Variants in DOCK10 observed in about 807,000 individuals in gnomAD.
DOCK10 encodes dedicator of cytokinesis protein 10.
Under a neutral mutation model 280.1 loss-of-function variants are expected in DOCK10, and 145 were observed. That is an observed-to-expected ratio of 0.52 (90% CI 0.45 to 0.59). DOCK10 has a LOEUF of 0.59. DOCK10 is among the 20% of genes least tolerant of loss of function. The probability of loss-of-function intolerance (pLI) is 0.00; values close to 1 mark genes in which losing one functional copy is unlikely to be tolerated. For synonymous variants in DOCK10, 915 were observed against 942.2 expected (o/e 0.97, Z 0.53); for missense variants, 2,368 against 2,651.7 (o/e 0.89, Z 2.35).
intron 55 of DOCK10, among the ~76,000 whole-genome samples, chr2:224,768,379 G>T (rs1047153984): frequency 1.3e-5 from 2 of 152,192 alleles, no homozygotes; most frequent in South Asian, 2.1e-4. Flanking sequence ...AGGAGAAGGT[G>T]TATATTTCCT....
At chr2:224,911,101 T>C (rs1380611285) in intron 3 of DOCK10, among the ~76,000 whole-genome samples, 2 of 152,130 alleles carry the variant, frequency 1.3e-5, no homozygotes, top group African/African-American at 4.8e-5. Context: ...AGCATATATT[T>C]GGGATCTAGG....
intron 47 of DOCK10, among the ~76,000 whole-genome samples, chr2:224,791,044 A>T (rs922783908): frequency 6.6e-6 from 1 of 152,230 alleles, no homozygotes; most frequent in African/African-American, 2.4e-5. Context: ...ATGGACATAC[A>T]TTATATTCTC....
chr2:225,037,121 T>C (rs1690282624), intron 1 of DOCK10, among the ~76,000 whole-genome samples: 1 of 152,090 alleles, frequency 6.6e-6, no homozygotes, highest in Non-Finnish European at 1.5e-5. Context: ...GGGTAAGCAA[T>C]TGAGAATGGA....
At chr2:224,957,435 T>A (rs911801284) in intron 1 of DOCK10, among the ~76,000 whole-genome samples, 1 of 152,166 alleles carries the variant, frequency 6.6e-6, no homozygotes, top group Non-Finnish European at 1.5e-5. Context: ...GGATTACAAA[T>A]GTGTATCATC....
chr2:224,888,781 A>G (rs1699480666), intron 4 of DOCK10, among the ~76,000 whole-genome samples: 1 of 151,298 alleles, frequency 6.6e-6, no homozygotes, highest in South Asian at 2.1e-4. Context: ...TATGTGTGTG[A>G]ATATATGTTT....
At position 224,848,547 on chromosome 2, in the gene DOCK10, A is replaced by ACATAAT. The variant is rs1031141206; in HGVS notation, c.2235+959_2235+960insATTATG. 4.6e-5 allele frequency among the ~76,000 whole-genome samples: 7 copies of ACATAAT among 152,334 alleles called. No individual in the cohort carries two copies. In the South Asian group the frequency reaches 1.0e-3, roughly 23 times the overall value. On this transcript the variant is annotated intron_variant, in intron 19 of 55. Coordinates refer to ENST00000258390, the MANE Select transcript of DOCK10 (RefSeq NM_014689.3). ...CTCTCACTTATTATGTGCCCTTGGT[A>ACATAAT]AAGTTACTTGACTTCTCTGAGCCAC...
intron 53 of DOCK10, among the ~76,000 whole-genome samples, chr2:224,771,130 A>G (rs1003669522): frequency 2.0e-5 from 3 of 151,554 alleles, no homozygotes; most frequent in African/African-American, 7.3e-5. Context: ...GAGACGGGGG[A>G]AGGGGGGCGG....
chr2:224,881,256 T>TTTTC lies in DOCK10; in HGVS notation c.747+4414_747+4415insGAAA, dbSNP rs1171043400. The stretch of plus-strand genomic sequence containing the variant: ...TTTCTTTGCATGTACCATATTTGTT[T>TTTTC]TGTTTTTTTTTCTGTGCATCCTTCC... On this transcript the variant is annotated intron_variant, in intron 7 of 55. Transcript: ENST00000258390. 2.4e-4 allele frequency among the ~76,000 whole-genome samples: 36 copies of TTTTC among 152,316 alleles called. No individual in the cohort carries two copies. The East Asian group carries it at 4.2e-3, about 18-fold the overall frequency.
chr2:224,874,794 G>GAGTC, intron 8 of DOCK10, 43 bp from the exon 9 acceptor site: 1 of 1,539,432 alleles, frequency 6.5e-7, no homozygotes, highest in Non-Finnish European at 9.0e-7. Context: ...TATTACTCAC[G>GAGTC]AGTCACACAT....
chr2:224,931,948 C>G (rs947639497), intron 1 of DOCK10, among the ~76,000 whole-genome samples: 5 of 152,182 alleles, frequency 3.3e-5, no homozygotes, highest in African/African-American at 1.2e-4. Flanking sequence ...CCTATCACAT[C>G]CACAGAATAG....
chr2:224,896,562 C>T (rs1472921673), intron 3 of DOCK10, among the ~76,000 whole-genome samples, 185 bp from the exon 4 acceptor site: 7 of 152,012 alleles, frequency 4.6e-5, no homozygotes, highest in Non-Finnish European at 1.5e-5. Flanking sequence ...ACTAAAAATA[C>T]AAAAATTAGC....
At chr2:225,025,652 C>T (rs1689900434) in intron 1 of DOCK10, among the ~76,000 whole-genome samples, 2 of 152,148 alleles carry the variant, frequency 1.3e-5, no homozygotes, top group South Asian at 2.1e-4. Flanking sequence ...GAACCTGTTA[C>T]ATTTTCTCAG....
At chr2:224,927,599 G>A (rs998833556) in intron 2 of DOCK10, among the ~76,000 whole-genome samples, 2 of 152,080 alleles carry the variant, frequency 1.3e-5, no homozygotes, top group African/African-American at 2.4e-5. Flanking sequence ...AATCTTTCTC[G>A]TGTACCAGAT....
intron 53 of DOCK10, among the ~76,000 whole-genome samples, chr2:224,772,162 C>A (rs951132800): frequency 1.3e-5 from 2 of 152,044 alleles, no homozygotes; most frequent in Non-Finnish European, 2.9e-5. Flanking sequence ...TTCAAGTGAT[C>A]CATCCATCTC....
chr2:224,816,406 G>A (rs1250503416), intron 30 of DOCK10, among the ~76,000 whole-genome samples: 1 of 151,940 alleles, frequency 6.6e-6, no homozygotes, highest in Non-Finnish European at 1.5e-5. Flanking sequence ...GACAAAAATT[G>A]AGGAATATGA....
At chr2:225,010,187 A>G (rs1480367728) in intron 1 of DOCK10, among the ~76,000 whole-genome samples, 1 of 152,116 alleles carries the variant, frequency 6.6e-6, no homozygotes, top group Non-Finnish European at 1.5e-5. Flanking sequence ...CAAGCCAGGC[A>G]TTTTCCTATG....
chr2:224,807,956 T>A lies in DOCK10; in HGVS notation c.3540A>T (p.Lys1180Asn). The part of the protein sequence containing the change: ...DVRHLALAVL[K>N]NLMAKHSFDD... ...CAAATGAATGCTTAGCCATTAGATT[T>A]TTTAGGACAGCTAAAGCTAAGTGTC... The change falls in exon 32 of 56, where the codon AAA becomes AAT. Residue 1180 changes from lysine (K) to asparagine (N), a missense_variant. Lys to Asn is a moderately conservative substitution (Grantham distance 94). Around this residue, in one of 2 missense-constraint regions of DOCK10, gnomAD observed 1,159 missense variants for 1,400.8 expected, o/e 0.83. Transcript: ENST00000258390. 1 of 1,612,902 alleles carries A rather than the reference T, an allele frequency of 6.2e-7. No individual in the cohort carries two copies. Among genetic ancestry groups the A allele is most frequent in the Non-Finnish European group, 8.5e-7 (1 of 1,179,398 alleles).
At chr2:225,027,581 A>G (rs1689951525) in intron 1 of DOCK10, among the ~76,000 whole-genome samples, 1 of 152,012 alleles carries the variant, frequency 6.6e-6, no homozygotes, top group South Asian at 2.1e-4. Context: ...TCACAGGGAT[A>G]TGGTTGTTTA....
chr2:224,793,166 C>T (rs938129696), intron 46 of DOCK10, 94 bp from the exon 47 acceptor site: 24 of 997,806 alleles, frequency 2.4e-5, no homozygotes, highest in African/African-American at 1.6e-4. Flanking sequence ...GATGCATTCT[C>T]GTTTTGAACT....
Sources: gnomAD v4.1 joint callset for allele counts (sites outside exome capture counted in the v4.1 genomes callset) on GRCh38, gnomAD v4.1.1 for gene constraint, gnomAD v4.1.1 regional missense constraint, MANE v1.5 for transcripts, NCBI Gene and HGNC (gene_info 2026-07-23, HGNC 2026-07-21) for gene names.